AFAP1: variants seen among roughly 807,000 people sequenced by gnomAD.
AFAP1 encodes actin filament associated protein 1.
A neutral mutation model predicts 93.9 loss-of-function variants in AFAP1; 75 were observed. That is an observed-to-expected ratio of 0.80 (90% CI 0.66 to 0.97). The LOEUF (loss-of-function observed/expected upper bound fraction) is 0.97. Among genes scored for constraint, AFAP1 ranks in the 50% least tolerant of loss-of-function variants. AFAP1 has a pLI of 0.00. For synonymous variants in AFAP1, 517 were observed against 430.7 expected (o/e 1.20, Z -2.48); for missense variants, 1,201 against 1,050.8 (o/e 1.14, Z -1.98).
intron 16 of AFAP1, among the ~76,000 whole-genome samples, chr4:7,770,058 G>T (rs1715206108): frequency 6.6e-6 from 1 of 152,238 alleles, no homozygotes; most frequent in Non-Finnish European, 1.5e-5. Context: ...AGGACGGCCT[G>T]GGCTGCAGCG....
At position 7,760,727 on chromosome 4, in the gene AFAP1, G is replaced by C. The variant is rs1384103911; in HGVS notation, c.*3038C>G. 6.6e-6 allele frequency: 1 copy of C among 152,278 alleles called. No individual in the cohort carries two copies. Among genetic ancestry groups the C allele is most frequent in the African/African-American group, 2.4e-5 (1 of 41,476 alleles). The allele number at this position is 152,278 out of a possible 1,614,324, so 9.4% of individuals were successfully genotyped here. ...AGGCTGATGACACCTTAACAAAATA[G>C]AGCCAGGAGCAGAGCCCTGAAGAGT... On this transcript the variant is annotated 3_prime_UTR_variant, in exon 18 of 18. Transcript: ENST00000420658.
At chr4:7,924,371 G>GATT (rs1720608184) in intron 1 of AFAP1, among the ~76,000 whole-genome samples, 1 of 152,220 alleles carries the variant, frequency 6.6e-6, no homozygotes, top group Non-Finnish European at 1.5e-5. Flanking sequence ...CAAAAGACAA[G>GATT]ATGTATAGAG....
chr4:7,793,565 A>T lies in AFAP1; in HGVS notation c.1412+116T>A, dbSNP rs569607275. 3.4e-6 allele frequency: 4 copies of T among 1,176,590 alleles called. No homozygotes were observed. In the South Asian group the frequency reaches 9.7e-5, roughly 28 times the overall value. The allele number at this position is 1,176,590 out of a possible 1,614,324, so 72.9% of individuals were successfully genotyped here. ...TTTGGCTTAAGATAATGCAAAAGGG[A>T]AAGTCTTTAGTTTTTCTTCTGGGTC... On this transcript the variant is annotated intron_variant, in intron 11 of 17. Coordinates refer to ENST00000420658, the MANE Select transcript of AFAP1 (RefSeq NM_001134647.2).
intron 6 of AFAP1, among the ~76,000 whole-genome samples, chr4:7,834,092 T>TACAC (rs142790415): frequency 0.046 from 5,829 of 126,604 alleles, 194 homozygotes; most frequent in East Asian, 0.15. Flanking sequence ...AACTGTGGCA[T>TACAC]ACACACACAC....
intron 1 of AFAP1, among the ~76,000 whole-genome samples, chr4:7,914,840 C>A (rs1323580055): frequency 6.6e-6 from 1 of 152,114 alleles, no homozygotes; most frequent in Non-Finnish European, 1.5e-5. Flanking sequence ...CTCCACCTCC[C>A]AGGTTCCAGA....
chr4:7,917,170 C>T (rs1720129641), intron 1 of AFAP1, among the ~76,000 whole-genome samples: 1 of 152,188 alleles, frequency 6.6e-6, no homozygotes, highest in Non-Finnish European at 1.5e-5. Context: ...CGCACAGACC[C>T]TGTCACATGG....
At chr4:7,769,133 C>G (rs557278704) in intron 16 of AFAP1, 125 bp from the exon 17 acceptor site, 1 of 1,269,828 alleles carries the variant, frequency 7.9e-7, no homozygotes, top group South Asian at 1.6e-5. Context: ...ACAGCAGTAG[C>G]AGCAAGGACT....
At chr4:7,860,797 G>A (rs1348598178) in intron 3 of AFAP1, among the ~76,000 whole-genome samples, 4 of 152,132 alleles carry the variant, frequency 2.6e-5, no homozygotes, top group Admixed American at 6.5e-5. Flanking sequence ...AAGACTGCAC[G>A]GGTCCAGACC....
At chr4:7,892,180 G>A (rs920558527) in intron 1 of AFAP1, among the ~76,000 whole-genome samples, 2 of 152,202 alleles carry the variant, frequency 1.3e-5, no homozygotes, top group African/African-American at 2.4e-5. Flanking sequence ...ATCACTGCAG[G>A]GATGGGCAAA....
At chr4:7,875,561 G>T (rs201375143) in intron 1 of AFAP1, among the ~76,000 whole-genome samples, 2 of 151,400 alleles carry the variant, frequency 1.3e-5, no homozygotes, top group African/African-American at 4.9e-5. Context: ...CGAGGCTGCA[G>T]TGAGCCATGA....
chr4:7,887,770 C>T (rs1355310592), intron 1 of AFAP1, among the ~76,000 whole-genome samples: 4 of 152,000 alleles, frequency 2.6e-5, no homozygotes, highest in East Asian at 1.9e-4. Context: ...TGGCTTAGTA[C>T]GATTATGCTA....
At chr4:7,810,593 G>A (rs1719928612) in intron 8 of AFAP1, among the ~76,000 whole-genome samples, 1 of 152,158 alleles carries the variant, frequency 6.6e-6, no homozygotes, top group Non-Finnish European at 1.5e-5. Flanking sequence ...TCAGACCAGG[G>A]GCCTGCCTTC....
At chr4:7,937,727 T>C (rs1721473665) in intron 1 of AFAP1, among the ~76,000 whole-genome samples, 1 of 152,130 alleles carries the variant, frequency 6.6e-6, no homozygotes, top group Non-Finnish European at 1.5e-5. Context: ...CCTCAAATGA[T>C]CCGCCTGCCT....
chr4:7,830,492 A>C (rs978093782), intron 6 of AFAP1, among the ~76,000 whole-genome samples: 1 of 152,230 alleles, frequency 6.6e-6, no homozygotes, highest in Non-Finnish European at 1.5e-5. Flanking sequence ...GTGAGAAAAA[A>C]CAGCTGCAGG....
rs1715938152 is a variant in AFAP1 at position 7,774,885 on chromosome 4, T to A, written c.1916A>T (p.Tyr639Phe). ...RTGSNAAQYKYGKNRVEADAK... is the reference protein window; with the variant it reads ...RTGSNAAQYKFGKNRVEADAK... ...ATCTGCTTCTACCCGGTTCTTGCCA[T>A]ACTTGTACTGGGCAGCATCTTGAGA... Residue 639 changes from tyrosine (Y) to phenylalanine (F), a missense_variant, in exon 15 of 18, where the codon TAT (tyrosine) becomes TTT (phenylalanine). Coordinates refer to ENST00000420658, the MANE Select transcript of AFAP1 (RefSeq NM_001134647.2). 6 of 1,613,912 alleles carry A rather than the reference T, an allele frequency of 3.7e-6. No individual in the cohort carries two copies. The highest frequency in any genetic ancestry group is 1.6e-4 in the Middle Eastern group (1 of 6,082).
In AFAP1 at chr4:7,786,256, C is replaced by T. The variant is rs141071297; in HGVS notation, c.1468G>A (p.Gly490Ser). Residue 490 changes from glycine to serine, a missense_variant, in exon 12 of 18, where the codon GGC (glycine) becomes AGC (serine). Coordinates refer to ENST00000420658, the MANE Select transcript of AFAP1 (RefSeq NM_001134647.2). Reference sequence around the variant, plus strand: ...GCCGTCCCGCTGGGGTGGGCATAGCCGTTGGAGGTGCCCCCTAGATATGGG... The same window carrying T: ...GCCGTCCCGCTGGGGTGGGCATAGCTGTTGGAGGTGCCCCCTAGATATGGG... ...ANPYLGGTSN[G>S]YAHPSGTALH... is the part of the protein sequence containing the mutation. 1.7e-4 allele frequency: 282 copies of T among 1,614,178 alleles called. 1 individual carries two copies. The African/African-American group carries it at 2.8e-3, about 16-fold the overall frequency.
chr4:7,833,058 T>C (rs555520780), intron 6 of AFAP1, among the ~76,000 whole-genome samples: 43 of 152,244 alleles, frequency 2.8e-4, no homozygotes, highest in South Asian at 8.3e-4. Flanking sequence ...TTCTAGAAGA[T>C]AACATCAGAA....
intron 1 of AFAP1, among the ~76,000 whole-genome samples, chr4:7,934,431 C>T (rs1006442228): frequency 6.6e-6 from 1 of 152,204 alleles, no homozygotes; most frequent in African/African-American, 2.4e-5. Context: ...CTGCACTTCA[C>T]AGGAAATCTG....
At chr4:7,816,821 T>C (rs1720520761) in intron 7 of AFAP1, among the ~76,000 whole-genome samples, 1 of 152,154 alleles carries the variant, frequency 6.6e-6, no homozygotes, top group African/African-American at 2.4e-5. Flanking sequence ...ATGAGATATG[T>C]GAGCAGTTCC....
Sources: gnomAD v4.1 joint callset for allele counts (sites outside exome capture counted in the v4.1 genomes callset) on GRCh38, gnomAD v4.1.1 for gene constraint, MANE v1.5 for transcripts, NCBI Gene and HGNC (gene_info 2026-07-23, HGNC 2026-07-21) for gene names.